PKHD1: variants seen among roughly 807,000 people sequenced by gnomAD.
PKHD1 encodes the protein fibrocystin.
In PKHD1, 291 loss-of-function variants were observed where a neutral mutation model predicts 412.0. The ratio of observed to expected loss-of-function variants is 0.71; its 90% confidence interval spans 0.64 to 0.78. The LOEUF (loss-of-function observed/expected upper bound fraction) is 0.78, where lower values mean the gene tolerates loss of function less well. Among genes scored for constraint, PKHD1 ranks in the 30% least tolerant of loss-of-function variants. The pLI, the probability that PKHD1 is intolerant of heterozygous loss-of-function variation, is 0.00. For synonymous variants in PKHD1, 1,777 were observed against 1,821.5 expected, an observed-to-expected ratio of 0.98 and a Z score of 0.62; for missense variants, 4,825 against 4,950.7, an observed-to-expected ratio of 0.97 and a Z score of 0.76.
intron 51 of PKHD1, among the ~76,000 whole-genome samples, chr6:51,835,520 A>G (rs540379093): frequency 6.6e-6 from 1 of 152,316 alleles, no homozygotes; most frequent in East Asian, 1.9e-4. Flanking sequence ...TCATCATGGT[A>G]TCCCCCACAC....
At chr6:51,805,958 T>A (rs576515120) in intron 52 of PKHD1, among the ~76,000 whole-genome samples, 1 of 152,118 alleles carries the variant, frequency 6.6e-6, no homozygotes, top group African/African-American at 2.4e-5. Flanking sequence ...TACGTGTGCA[T>A]GTGTCTGTAT....
intron 64 of PKHD1, 24 bp downstream of exon 64, chr6:51,638,817 ACACAGAAT>A (rs778122420): frequency 1.3e-5 from 17 of 1,309,710 alleles, no homozygotes; most frequent in South Asian, 2.5e-5. Flanking sequence ...AAAAAAAAAA[ACACAGAAT>A]AAAAGCACAC....
intron 49 of PKHD1, among the ~76,000 whole-genome samples, chr6:51,854,443 T>G (rs1261452162): frequency 2.6e-5 from 4 of 152,108 alleles, no homozygotes; most frequent in Non-Finnish European, 5.9e-5. Flanking sequence ...ACAAAGCACT[T>G]TGTCCCTTGG....
At chr6:51,816,800 A>G (rs1765532070) in intron 52 of PKHD1, among the ~76,000 whole-genome samples, 1 of 152,216 alleles carries the variant, frequency 6.6e-6, no homozygotes, top group South Asian at 2.1e-4. Context: ...TGGCTGCACG[A>G]GAGCCTCTTT....
Position 51,617,027 on chromosome 6 carries a change from T to C in PKHD1, c.*2054A>G, listed in dbSNP as rs2150231874. 4.4e-6 allele frequency: 1 copy of C among 227,736 alleles called. No individual in the cohort carries two copies. The highest frequency in any genetic ancestry group is 2.2e-5 in the African/African-American group (1 of 44,506). 14.1% of individuals were successfully genotyped at this position (227,736 alleles called of 1,614,324 possible). On this transcript the variant is annotated 3_prime_UTR_variant, in exon 67 of 67. Coordinates refer to ENST00000371117, the MANE Select transcript of PKHD1 (RefSeq NM_138694.4). ...TAACTATAGGATAACCTACTGGATA[T>C]TCTCACTAGGCAGCTAAATGCATGG...
At chr6:52,027,580 G>GAA (rs1169046988) in intron 31 of PKHD1, among the ~76,000 whole-genome samples, 1 of 118,190 alleles carries the variant, frequency 8.5e-6, no homozygotes, top group Non-Finnish European at 1.9e-5. Flanking sequence ...AGAAGAAAAA[G>GAA]AAAAAAAAAA....
At chr6:51,867,797 C>T (rs1161711920) in intron 48 of PKHD1, 66 bp downstream of exon 48, 3 of 1,453,308 alleles carry the variant, frequency 2.1e-6, no homozygotes, top group East Asian at 2.3e-5. Flanking sequence ...TTCTATAAGC[C>T]TCGACAGCCA....
At chr6:51,820,640 G>A (rs1582875813) in intron 52 of PKHD1, among the ~76,000 whole-genome samples, 1 of 152,110 alleles carries the variant, frequency 6.6e-6, no homozygotes, top group African/African-American at 2.4e-5. Context: ...GGCTTTACCA[G>A]ACTGCCAAAG....
At chr6:52,052,557 C>T (rs1807027470) in intron 21 of PKHD1, among the ~76,000 whole-genome samples, 1 of 152,136 alleles carries the variant, frequency 6.6e-6, no homozygotes, top group Admixed American at 6.5e-5. Context: ...AGACTCTTGG[C>T]CCATTTACAG....
Position 52,007,196 on chromosome 6 carries a change from G to A in PKHD1, c.5751+3113C>T, listed in dbSNP as rs552216936. 2.2e-4 allele frequency among the ~76,000 whole-genome samples: 33 copies of A among 152,238 alleles called. No individual in the cohort carries two copies. The South Asian group carries it at 6.6e-3, about 31-fold the overall frequency. On this transcript the variant is annotated intron_variant, in intron 35 of 66. Coordinates refer to ENST00000371117, the MANE Select transcript of PKHD1 (RefSeq NM_138694.4). ...TTGTATAATAACTTCTTTTTCTCTGGCTAGATACCCAGTAATGGGATTGCT... is the reference window on the plus strand; with the variant it reads ...TTGTATAATAACTTCTTTTTCTCTGACTAGATACCCAGTAATGGGATTGCT...
chr6:51,716,910 AAAAG>A (rs1314668637), intron 60 of PKHD1, among the ~76,000 whole-genome samples: 1 of 152,142 alleles, frequency 6.6e-6, no homozygotes, highest in Non-Finnish European at 1.5e-5. Context: ...GCAGAAAAGA[AAAAG>A]AGAGAGGGCA....
chr6:51,800,451 C>T (rs2151318157), intron 52 of PKHD1, among the ~76,000 whole-genome samples: 1 of 152,290 alleles, frequency 6.6e-6, no homozygotes, highest in Admixed American at 6.5e-5. Context: ...GACCAGAAAA[C>T]CTGAGCCAGA....
chr6:51,916,214 T>G (rs1299519272), intron 37 of PKHD1, among the ~76,000 whole-genome samples: 2 of 152,176 alleles, frequency 1.3e-5, no homozygotes, highest in Non-Finnish European at 2.9e-5. Context: ...ATGACCTATT[T>G]TAAGTATTGC....
At chr6:51,906,972 G>T (rs1266652552) in intron 40 of PKHD1, among the ~76,000 whole-genome samples, 1 of 152,086 alleles carries the variant, frequency 6.6e-6, no homozygotes, top group Non-Finnish European at 1.5e-5. Flanking sequence ...ATGATCCCCA[G>T]ATCTGGTTAC....
Position 51,923,447 on chromosome 6 carries a change from T to C in PKHD1, c.6121+10663A>G, listed in dbSNP as rs1785018992. 7.3e-5 allele frequency among the ~76,000 whole-genome samples: 11 copies of C among 151,118 alleles called. No homozygotes were observed. The South Asian group carries it at 2.3e-3, about 32-fold the overall frequency. ...AAATTTTGTGTATAAAAGCAAGGAA[T>C]GGACCAGATTTGGTCCATGGCTCAT... is the stretch of plus-strand genomic sequence containing the variant. On this transcript the variant is annotated intron_variant, in intron 37 of 66. Transcript: ENST00000371117.
intron 46 of PKHD1, among the ~76,000 whole-genome samples, chr6:51,882,302 G>A (rs1777499136): frequency 6.6e-6 from 1 of 152,258 alleles, no homozygotes; most frequent in East Asian, 1.9e-4. Flanking sequence ...TAGTTCAAAG[G>A]AGATTTTACT....
At chr6:51,719,943 A>G (rs1582266324) in intron 60 of PKHD1, among the ~76,000 whole-genome samples, 2 of 152,310 alleles carry the variant, frequency 1.3e-5, no homozygotes, top group East Asian at 1.9e-4. Context: ...AGATTTTACT[A>G]TGCATATTTT....
At chr6:51,777,859 A>T (rs909174470) in intron 53 of PKHD1, among the ~76,000 whole-genome samples, 1 of 152,126 alleles carries the variant, frequency 6.6e-6, no homozygotes, top group African/African-American at 2.4e-5. Context: ...ACTGCAGCAC[A>T]TGTGGAGCTT....
intron 1 of PKHD1, among the ~76,000 whole-genome samples, chr6:52,086,804 C>A (rs1455116753): frequency 6.6e-6 from 1 of 152,196 alleles, no homozygotes; most frequent in Non-Finnish European, 1.5e-5. Flanking sequence ...ACTTTTACGT[C>A]TATTTGAAAT....
Sources: allele counts gnomAD v4.1 joint callset (sites outside exome capture counted in the v4.1 genomes callset), GRCh38; gene constraint gnomAD v4.1.1; transcripts MANE v1.5; gene names NCBI Gene and HGNC (gene_info 2026-07-23, HGNC 2026-07-21).